Variants in COL19A1 observed in about 807,000 individuals in gnomAD.
The protein encoded by COL19A1 is collagen type XIX alpha 1 chain, also known as collagen alpha-1(XIX) chain.
Under a neutral mutation model 190.2 loss-of-function variants are expected in COL19A1, and 159 were observed. The observed-to-expected ratio is 0.84, with a 90% CI of 0.73 to 0.95. COL19A1 has a LOEUF of 0.95. Among genes scored for constraint, COL19A1 ranks in the 40% least tolerant of loss-of-function variants. The pLI is 0.00. For synonymous variants in COL19A1, 509 were observed against 458.9 expected (o/e 1.11, Z -1.39); for missense variants, 1,418 against 1,431.9 (o/e 0.99, Z 0.16).
chr6:69,983,660 A>G (rs1241715253), intron 11 of COL19A1, among the ~76,000 whole-genome samples: 1 of 152,110 alleles, frequency 6.6e-6, no homozygotes, highest in Non-Finnish European at 1.5e-5. Context: ...ATTTTCTTTG[A>G]ATACTATTCA....
At chr6:70,094,939 A>C (rs913572672) in intron 15 of COL19A1, among the ~76,000 whole-genome samples, 1 of 152,202 alleles carries the variant, frequency 6.6e-6, no homozygotes, top group Non-Finnish European at 1.5e-5. Flanking sequence ...TACATTAAGA[A>C]AAATGTGAAT....
chr6:70,040,309 A>G (rs1445946864), intron 14 of COL19A1, among the ~76,000 whole-genome samples: 1 of 152,210 alleles, frequency 6.6e-6, no homozygotes, highest in Non-Finnish European at 1.5e-5. Flanking sequence ...AAGTTTAAAA[A>G]GGAGTAGGAA....
chr6:69,885,120 T>C (rs1561962290), intron 2 of COL19A1, among the ~76,000 whole-genome samples: 1 of 152,212 alleles, frequency 6.6e-6, no homozygotes, highest in East Asian at 1.9e-4. Context: ...CACCTTGGCC[T>C]CCCAAAGTGC....
At chr6:69,916,874 T>C (rs1771344481) in intron 4 of COL19A1, among the ~76,000 whole-genome samples, 1 of 152,186 alleles carries the variant, frequency 6.6e-6, no homozygotes, top group African/African-American at 2.4e-5. Context: ...CTTGATACAT[T>C]GGAAGAAACT....
At chr6:69,956,476 A>G (rs1243200148) in intron 9 of COL19A1, among the ~76,000 whole-genome samples, 1 of 152,022 alleles carries the variant, frequency 6.6e-6, no homozygotes, top group African/African-American at 2.4e-5. Flanking sequence ...AAAAGCATTC[A>G]GATTGGATAT....
chr6:69,963,113 A>G (rs933192600), intron 11 of COL19A1, among the ~76,000 whole-genome samples: 1 of 152,200 alleles, frequency 6.6e-6, no homozygotes, highest in African/African-American at 2.4e-5. Context: ...TTTCATTGAC[A>G]TGGAAATGAT....
At chr6:70,195,840 A>G (rs550015385) in intron 48 of COL19A1, among the ~76,000 whole-genome samples, 3 of 152,330 alleles carry the variant, frequency 2.0e-5, no homozygotes, top group East Asian at 3.9e-4. Flanking sequence ...TAAGTAATGT[A>G]TCACTCAACC....
rs371824050 is a variant in COL19A1, at chr6:70,121,921, A to G, written c.1320A>G (p.Gly440=). The G allele has an allele frequency of 6.3e-7, 1 of 1,589,948 alleles. No homozygotes were observed. The highest frequency in any genetic ancestry group is 1.2e-5 in the South Asian group (1 of 84,956). The change falls in exon 17 of 51, where the codon GGA becomes GGG. Residue 440 remains glycine (G), a synonymous_variant. Transcript: ENST00000620364. ...GIQGIHQTLG[G]YYNKDNKGND... ...AAGGAATACACCAAACTCTTGGTGG[A>G]TATTATAACAAGGATAACAAGGTAT...
At chr6:70,180,160 C>T (rs1562248737) in intron 42 of COL19A1, 152 bp from the exon 43 acceptor site, 2 of 789,204 alleles carry the variant, frequency 2.5e-6, no homozygotes, top group East Asian at 5.3e-5. Context: ...TGCTGGGATT[C>T]CAGACATGAG....
intron 14 of COL19A1, among the ~76,000 whole-genome samples, chr6:70,061,666 G>A (rs1411500998): frequency 6.6e-6 from 1 of 152,070 alleles, no homozygotes; most frequent in East Asian, 1.9e-4. Context: ...AGAATTAAGT[G>A]AACTCCCTGA....
At chr6:69,944,733 C>CT (rs1363535613) in intron 9 of COL19A1, among the ~76,000 whole-genome samples, 1 of 151,560 alleles carries the variant, frequency 6.6e-6, no homozygotes, top group Non-Finnish European at 1.5e-5. Context: ...ACTACTTTTT[C>CT]TTTTTTTATA....
chr6:70,073,263 C>T (rs920880571), intron 15 of COL19A1, among the ~76,000 whole-genome samples: 13 of 152,284 alleles, frequency 8.5e-5, no homozygotes, highest in African/African-American at 2.9e-4. Flanking sequence ...TCTGGGATTA[C>T]AGGCCTGAGC....
At chr6:70,067,894 T>C (rs1781339569) in intron 14 of COL19A1, among the ~76,000 whole-genome samples, 1 of 151,956 alleles carries the variant, frequency 6.6e-6, no homozygotes, top group African/African-American at 2.4e-5. Flanking sequence ...AAAAAAAGAA[T>C]GTTTATTTTC....
chr6:70,120,584 T>C (rs973071189), intron 16 of COL19A1, among the ~76,000 whole-genome samples: 1 of 152,216 alleles, frequency 6.6e-6, no homozygotes, highest in Non-Finnish European at 1.5e-5. Context: ...GAAAAATATA[T>C]AATGCCATAA....
intron 11 of COL19A1, among the ~76,000 whole-genome samples, chr6:69,998,047 C>CA (rs1242494922): frequency 6.6e-6 from 1 of 151,892 alleles, no homozygotes; most frequent in East Asian, 1.9e-4. Context: ...AGAATGGAGA[C>CA]AAAAAGGCCT....
intron 2 of COL19A1, chr6:69,879,887 T>G (rs1341189197): frequency 1.9e-6 from 1 of 533,518 alleles, no homozygotes; most frequent in Non-Finnish European, 3.3e-6. Flanking sequence ...TCCTTTCATC[T>G]TCAATATTTA....
At chr6:69,968,652 T>C (rs1775253704) in intron 11 of COL19A1, among the ~76,000 whole-genome samples, 1 of 152,206 alleles carries the variant, frequency 6.6e-6, no homozygotes, top group Non-Finnish European at 1.5e-5. Context: ...ATGAGGATTT[T>C]TACCCTGAAA....
intron 14 of COL19A1, among the ~76,000 whole-genome samples, chr6:70,056,699 G>T (rs1192149738): frequency 2.0e-5 from 3 of 151,988 alleles, no homozygotes; most frequent in Non-Finnish European, 4.4e-5. Context: ...TAAGAAAATG[G>T]ATGCTTCTGG....
intron 17 of COL19A1, among the ~76,000 whole-genome samples, chr6:70,129,605 C>T (rs1000109004): frequency 2.6e-5 from 4 of 152,234 alleles, no homozygotes; most frequent in African/African-American, 7.2e-5. Context: ...AATCCCAGCT[C>T]TTACGGAGGC....
Sources: allele counts gnomAD v4.1 joint callset (sites outside exome capture counted in the v4.1 genomes callset), GRCh38; gene constraint gnomAD v4.1.1; transcripts MANE v1.5; gene names NCBI Gene and HGNC (gene_info 2026-07-23, HGNC 2026-07-21).